SERPINA4: variants seen among roughly 807,000 people sequenced by gnomAD.
The protein encoded by SERPINA4 is serpin family A member 4, also known as kallistatin.
SERPINA4 carries 24 observed loss-of-function variants against 25.4 expected under a neutral mutation model. That is an observed-to-expected ratio of 0.95 (90% CI 0.69 to 1.33). The LOEUF (loss-of-function observed/expected upper bound fraction) is 1.33. Ranked by LOEUF, SERPINA4 falls within the 40% of genes most tolerant of loss-of-function variation. The pLI, the probability that SERPINA4 is intolerant of heterozygous loss-of-function variation, is 0.00. For missense variants in SERPINA4, 553 were observed against 535.8 expected (o/e 1.03, Z -0.32); for synonymous variants, 242 against 223.6 (o/e 1.08, Z -0.73).
intron 3 of SERPINA4, among the ~76,000 whole-genome samples, chr14:94,567,594 C>A (rs1390388900): frequency 1.3e-5 from 2 of 152,038 alleles, no homozygotes; most frequent in African/African-American, 2.4e-5. Flanking sequence ...GACTAAGCTG[C>A]CATAGTGGGA....
chr14:94,563,618 T>G lies in SERPINA4; in HGVS notation c.136T>G (p.Ser46Ala). 1 of 1,613,592 alleles carries G rather than the reference T, an allele frequency of 6.2e-7. No individual in the cohort carries two copies. The highest frequency in any genetic ancestry group is 2.2e-5 in the East Asian group (1 of 44,876). The change falls in exon 2 of 5, where the codon TCC becomes GCC. Residue 46 changes from serine (S) to alanine (A), a missense_variant. Ser to Ala is a moderately conservative substitution (Grantham distance 99). Coordinates refer to ENST00000557004, the MANE Select transcript of SERPINA4 (RefSeq NM_006215.4). ...HQQILETGEG[S>A]PSLKIAPANA... is the part of the protein sequence containing the mutation. ...GCAGATTCTGGAGACAGGTGAGGGCTCCCCCAGCCTCAAGATAGCCCCTGC... is the reference window on the plus strand; with the variant it reads ...GCAGATTCTGGAGACAGGTGAGGGCGCCCCCAGCCTCAAGATAGCCCCTGC...
intron 1 of SERPINA4, among the ~76,000 whole-genome samples, chr14:94,562,441 C>T (rs1902058829): frequency 6.6e-6 from 1 of 152,056 alleles, no homozygotes; most frequent in Non-Finnish European, 1.5e-5. Context: ...TGTGGCTGTG[C>T]ATGCCTGTAG....
intron 2 of SERPINA4, among the ~76,000 whole-genome samples, chr14:94,566,523 C>T (rs946423833): frequency 6.6e-6 from 1 of 152,128 alleles, no homozygotes; most frequent in African/African-American, 2.4e-5. Flanking sequence ...CAAATCTTCT[C>T]ACCTCCAAAT....
rs765511128 is a variant in SERPINA4, at chr14:94,568,206, C to A, written c.1001C>A (p.Pro334His). Residue 334 changes from proline (P) to histidine (H), a missense_variant, in exon 4 of 5, where the codon CCC becomes CAC. By Grantham distance (77) the Pro-to-His change is moderately conservative. Coordinates refer to ENST00000557004, the MANE Select transcript of SERPINA4 (RefSeq NM_006215.4). ...SGSYVLDQILPRLGFTDLFSK... is the reference protein window; with the variant it reads ...SGSYVLDQILHRLGFTDLFSK... ...TCCTATGTATTAGATCAGATTTTGC[C>A]CAGGCTGGGCTTCACGGATCTGTTC... The A allele has an allele frequency of 6.2e-7, 1 of 1,614,074 alleles. No individual in the cohort carries two copies. Among genetic ancestry groups the A allele is most frequent in the African/African-American group, 1.3e-5 (1 of 74,924 alleles).
At chr14:94,562,183 A>G (rs1902049037) in intron 1 of SERPINA4, among the ~76,000 whole-genome samples, 1 of 150,704 alleles carries the variant, frequency 6.6e-6, no homozygotes, top group Admixed American at 6.6e-5. Context: ...ACGCCTCTTC[A>G]TGCATGTCCG....
At chr14:94,568,867 C>CAAA (rs33940669) in intron 4 of SERPINA4, among the ~76,000 whole-genome samples, 9 of 81,220 alleles carry the variant, frequency 1.1e-4, no homozygotes, top group African/African-American at 3.4e-4. Flanking sequence ...GACTCCATCT[C>CAAA]AAAAAAAAAA....
Position 94,564,098 on chromosome 14 carries a change from TTGA to T in SERPINA4, c.619_621del (p.Met207del), listed in dbSNP as rs776537140. 11 of 1,602,038 alleles carry T rather than the reference TTGA, an allele frequency of 6.9e-6. No homozygotes were observed. In the Admixed American group the frequency reaches 1.8e-4, roughly 27 times the overall value. On this transcript the variant is annotated inframe_deletion, in exon 2 of 5. Coordinates refer to ENST00000557004, the MANE Select transcript of SERPINA4 (RefSeq NM_006215.4). ...GGTCAGTGAGCTCAAGAAGGACGTC[TTGA>T]TGGTGCTGGTGAATTACATTTACTT...
chr14:94,566,249 T>C (rs760175701), intron 2 of SERPINA4, among the ~76,000 whole-genome samples: 6 of 152,240 alleles, frequency 3.9e-5, no homozygotes, highest in Non-Finnish European at 7.3e-5. Context: ...CAGCTGAATG[T>C]GGTTGAAGAA....
Position 94,569,582 on chromosome 14 carries a change from C to T in SERPINA4, c.1271C>T (p.Pro424Leu), listed in dbSNP as rs1023489287. 28 of 1,614,076 alleles carry T rather than the reference C, an allele frequency of 1.7e-5. No homozygotes were observed. Among genetic ancestry groups the T allele is most frequent in the Non-Finnish European group, 2.3e-5 (27 of 1,180,046 alleles). Residue 424 changes from proline to leucine, a missense_variant, in exon 5 of 5, where the codon CCC (proline) becomes CTC (leucine). Physicochemically the swap from Pro to Leu is moderately conservative, Grantham distance 98. Coordinates refer to ENST00000557004, the MANE Select transcript of SERPINA4 (RefSeq NM_006215.4). ...CTCTTTCTGGGCAAGGTCGTCGACC[C>T]CACGAAACCATAGCCCTCCCAGGGC... ...SVLFLGKVVD[P>L]TKP
At chr14:94,565,275 T>C (rs1016543375) in intron 2 of SERPINA4, among the ~76,000 whole-genome samples, 1 of 152,036 alleles carries the variant, frequency 6.6e-6, no homozygotes, top group Non-Finnish European at 1.5e-5. Flanking sequence ...GCTGCTGTTG[T>C]TTAGTGGGGT....
intron 2 of SERPINA4, among the ~76,000 whole-genome samples, chr14:94,566,320 T>G (rs1282023478): frequency 6.6e-6 from 1 of 152,180 alleles, no homozygotes; most frequent in African/African-American, 2.4e-5. Context: ...TTCATTGATA[T>G]CTCTACACTG....
chr14:94,565,592 A>G (rs1238984221), intron 2 of SERPINA4, among the ~76,000 whole-genome samples: 1 of 152,142 alleles, frequency 6.6e-6, no homozygotes, highest in East Asian at 1.9e-4. Flanking sequence ...TCACACCTGT[A>G]ATTCCAGCAC....
intron 4 of SERPINA4, among the ~76,000 whole-genome samples, chr14:94,568,781 G>A (rs1026705666): frequency 6.6e-6 from 1 of 151,592 alleles, no homozygotes; most frequent in South Asian, 2.1e-4. Context: ...AGAATTGCTT[G>A]AGCCTGGGAG....
chr14:94,564,831 T>C (rs1477892655), intron 2 of SERPINA4, among the ~76,000 whole-genome samples: 8 of 152,264 alleles, frequency 5.3e-5, no homozygotes, highest in Non-Finnish European at 1.2e-4. Context: ...AATGCTCATT[T>C]TGAAGCTTTA....
Position 94,567,076 on chromosome 14 carries a change from T to A in SERPINA4, c.756T>A (p.His252Gln). The change falls in exon 3 of 5, where the codon CAT becomes CAA. Residue 252 changes from histidine (H) to glutamine (Q), a missense_variant. Physicochemically the swap from His to Gln is conservative, Grantham distance 24. Transcript: ENST00000557004. Reference sequence around the variant, plus strand: ...CCATGATGCTGCAGGACCAGGAGCATCACTGGTATCTTCATGACAGATACT... The same window carrying A: ...CCATGATGCTGCAGGACCAGGAGCAACACTGGTATCTTCATGACAGATACT... ...RVPMMLQDQEHHWYLHDRYLP... is the reference protein window; with the variant it reads ...RVPMMLQDQEQHWYLHDRYLP... 1 of 1,614,198 alleles carries A rather than the reference T, an allele frequency of 6.2e-7. No individual in the cohort carries two copies. Among genetic ancestry groups the A allele is most frequent in the South Asian group, 1.1e-5 (1 of 91,090 alleles).
chr14:94,566,108 T>C (rs61978284), intron 2 of SERPINA4, among the ~76,000 whole-genome samples: 17,582 of 152,196 alleles, frequency 0.12, 1,107 homozygotes, highest in Non-Finnish European at 0.14. Flanking sequence ...ATGGCCATCA[T>C]TGTGGTCACT....
Position 94,563,828 on chromosome 14 carries a change from G to A in SERPINA4, c.346G>A (p.Asp116Asn), listed in dbSNP as rs538199214. The change falls in exon 2 of 5, where the codon GAT becomes AAT. Residue 116 changes from aspartate to asparagine, a missense_variant. Coordinates refer to ENST00000557004, the MANE Select transcript of SERPINA4 (RefSeq NM_006215.4). ...GFNLTELSES[D>N]VHRGFQHLLH... The stretch of plus-strand genomic sequence containing the variant: ...CAACCTCACCGAGCTGTCTGAGTCC[G>A]ATGTCCATAGGGGCTTCCAGCACCT... 4.3e-6 allele frequency: 7 copies of A among 1,614,140 alleles called. No individual in the cohort carries two copies. Among genetic ancestry groups the A allele is most frequent in the South Asian group, 2.2e-5 (2 of 91,062 alleles).
chr14:94,569,342 C>T (rs1053178152), intron 4 of SERPINA4, 53 bp from the exon 5 acceptor site: 1 of 1,560,176 alleles, frequency 6.4e-7, no homozygotes. Context: ...GCAGTCTTGT[C>T]CAGGCCCCCT....
chr14:94,565,648 C>G (rs189864065), intron 2 of SERPINA4, among the ~76,000 whole-genome samples: 105 of 150,994 alleles, frequency 7.0e-4, no homozygotes, highest in African/African-American at 2.3e-3. Flanking sequence ...AAGTTCAAGA[C>G]CAGCCCGGCC....
Sources: gnomAD v4.1 joint callset for allele counts (sites outside exome capture counted in the v4.1 genomes callset) on GRCh38, gnomAD v4.1.1 for gene constraint, MANE v1.5 for transcripts, NCBI Gene and HGNC (gene_info 2026-07-23, HGNC 2026-07-21) for gene names.